STRIP1: variants seen among roughly 807,000 people sequenced by gnomAD.
STRIP1 encodes the protein striatin interacting protein 1.
Under a neutral mutation model 106.2 loss-of-function variants are expected in STRIP1, and 63 were observed. That is an observed-to-expected ratio of 0.59 (90% confidence interval 0.48 to 0.73). STRIP1 has a LOEUF of 0.73. Among genes scored for constraint, STRIP1 ranks in the 30% least tolerant of loss-of-function variants. The pLI is 0.00. For synonymous variants in STRIP1, 390 were observed against 413.0 expected (o/e 0.94, Z 0.67); for missense variants, 857 against 1,074.8 (o/e 0.80, Z 2.83).
At chr1:110,039,566 G>C (rs757268597) in intron 5 of STRIP1, 51 bp downstream of exon 5, 1 of 1,560,452 alleles carries the variant, frequency 6.4e-7, no homozygotes, top group African/African-American at 1.3e-5. Flanking sequence ...GGATGGGAAG[G>C]GGGACAGAGC....
chr1:110,051,037 A>T lies in STRIP1; in HGVS notation c.2038A>T (p.Lys680Ter). The T allele has an allele frequency of 6.2e-7, 1 of 1,612,248 alleles. No homozygotes were observed. Among genetic ancestry groups the T allele is most frequent in the Non-Finnish European group, 8.5e-7 (1 of 1,178,260 alleles). ...GCTTCGGATCTTGAACAAGCTGACA[A>T]AGTGGAAGCATTCAAGGACAATGGT... Reference protein sequence around the residue: ...NLLRILNKLTKWKHSRTMMLV... With the variant: ...NLLRILNKLT Residue 680 changes from lysine to a stop codon, truncating the protein, a stop_gained, in exon 19 of 21, where the codon AAG (lysine) becomes TAG (stop). Transcript: ENST00000369795. LOFTEE classifies it high-confidence loss of function.
intron 12 of STRIP1, among the ~76,000 whole-genome samples, chr1:110,046,095 T>G (rs1233104425): frequency 6.6e-6 from 1 of 152,258 alleles, no homozygotes; most frequent in Admixed American, 6.5e-5. Context: ...CTTTCAGTTT[T>G]TCTCCTGTTG....
chr1:110,049,975 C>G, intron 17 of STRIP1: 1 of 339,378 alleles, frequency 2.9e-6, no homozygotes, highest in Non-Finnish European at 5.5e-6. Flanking sequence ...ATTACTTGCT[C>G]GTCAGTGTGA....
chr1:110,034,802 G>T lies in STRIP1; in HGVS notation c.165G>T (p.Gln55His). 7.1e-7 allele frequency: 1 copy of T among 1,416,638 alleles called. No individual in the cohort carries two copies. The highest frequency in any genetic ancestry group is 9.2e-7 in the Non-Finnish European group (1 of 1,090,696). 87.8% of individuals were successfully genotyped at this position (1,416,638 alleles called of 1,614,324 possible). A position where few individuals can be genotyped will look rare whatever the true frequency, so the allele number is the denominator to read the frequency against. The change falls in exon 1 of 21, where the codon CAG (glutamine) becomes CAT (histidine). Residue 55 changes from glutamine to histidine, a missense_variant. This residue lies in a region of STRIP1 where 107 missense variants were observed against 85.1 expected (regional missense o/e 1.26). Transcript: ENST00000369795. ...AAGCCCGCGAGTTCAACCGCAACCA[G>T]CGCAAAGACTCAGAGGTCAGGAGCT... ...GGKAREFNRN[Q>H]RKDSEGYSES...
At position 110,047,869 on chromosome 1, in the gene STRIP1, C is replaced by T. The variant is rs763865677; in HGVS notation, c.1661C>T (p.Pro554Leu). The T allele has an allele frequency of 1.3e-5, 21 of 1,555,736 alleles. 1 individual carries two copies. The highest frequency in any genetic ancestry group is 4.1e-5 in the African/African-American group (3 of 73,400). The change falls in exon 15 of 21, where the codon CCC becomes CTC. Residue 554 changes from proline to leucine, a missense_variant and splice_region_variant. Pro to Leu is a moderately conservative substitution (Grantham distance 98). This residue lies in a region of STRIP1 where 750 missense variants were observed against 989.8 expected (regional missense o/e 0.76). Transcript: ENST00000369795. ...GCGGACGTCTTGCCTGAGGAGATGC[C>T]GTGAGTATCATTCTGTGAATGAAGC... ...ILADVLPEEM[P>L]TTVLQSMKLG...
intron 20 of STRIP1, 107 bp from the exon 21 acceptor site, chr1:110,053,558 G>A (rs537205930): frequency 6.8e-6 from 10 of 1,463,380 alleles, no homozygotes; most frequent in African/African-American, 5.6e-5. Flanking sequence ...GGATGAGCTC[G>A]GAGGTATCCT....
chr1:110,052,727 C>T (rs1462878103), intron 20 of STRIP1, among the ~76,000 whole-genome samples: 4 of 152,322 alleles, frequency 2.6e-5, no homozygotes, highest in Admixed American at 2.6e-4. Context: ...ACCTCGGCCT[C>T]CCAAAGTGCT....
At chr1:110,049,705 C>T (rs1653202860) in intron 17 of STRIP1, 145 bp downstream of exon 17, 2 of 620,042 alleles carry the variant, frequency 3.2e-6, no homozygotes, top group South Asian at 2.0e-5. Context: ...TGAGACATGG[C>T]CTCTGCCTGT....
At chr1:110,031,998 T>G (rs1652204204), upstream of STRIP1, among the ~76,000 whole-genome samples, 1 of 151,788 alleles carries the variant, frequency 6.6e-6, no homozygotes, top group Non-Finnish European at 1.5e-5. Flanking sequence ...CTTCCCAAAG[T>G]GCTGAGATTA....
At chr1:110,042,630 G>A (rs1163194376) in intron 8 of STRIP1, among the ~76,000 whole-genome samples, 1 of 152,244 alleles carries the variant, frequency 6.6e-6, no homozygotes, top group Non-Finnish European at 1.5e-5. Flanking sequence ...TCTAAAGCTG[G>A]ATGTTGCTGG....
chr1:110,043,082 A>G lies in STRIP1; in HGVS notation c.886-6A>G, dbSNP rs1292164430. 1 of 1,607,718 alleles carries G rather than the reference A, an allele frequency of 6.2e-7. No individual in the cohort carries two copies. The highest frequency in any genetic ancestry group is 1.7e-5 in the Admixed American group (1 of 59,050). ...CCCTGGCTCTGCTTCCCTGTCTGTG[A>G]TGCAGTGCACGCTAGGCGGCTTTGA... is the stretch of plus-strand genomic sequence containing the variant. On this transcript the variant is annotated splice_polypyrimidine_tract_variant and splice_region_variant and intron_variant, in intron 8 of 20. Coordinates refer to ENST00000369795, the MANE Select transcript of STRIP1 (RefSeq NM_033088.4).
rs780617828 is a variant in STRIP1, at chr1:110,045,078, G to C, written c.1416G>C (p.Gln472His). ...PIHESIKTLK[Q>H]HKYTSIAEVQ... is the part of the protein sequence containing the mutation. ...ACGAAAGCATCAAGACTCTGAAACA[G>C]GTGAGTGGCTTTGGGTGAGCTTTTG... The change falls in exon 12 of 21, where the codon CAG becomes CAC. Residue 472 changes from glutamine to histidine, a missense_variant and splice_region_variant. Coordinates refer to ENST00000369795, the MANE Select transcript of STRIP1 (RefSeq NM_033088.4). 1 of 1,614,014 alleles carries C rather than the reference G, an allele frequency of 6.2e-7. No homozygotes were observed. The highest frequency in any genetic ancestry group is 1.1e-5 in the South Asian group (1 of 91,074).
chr1:110,051,409 A>C (rs1193851232), intron 19 of STRIP1, among the ~76,000 whole-genome samples: 1 of 152,228 alleles, frequency 6.6e-6, no homozygotes, highest in African/African-American at 2.4e-5. Context: ...CTGTGTGTAC[A>C]TGTACACCGG....
Position 110,039,389 on chromosome 1 carries a change from T to C in STRIP1, c.461-6T>C. 1.9e-6 allele frequency: 3 copies of C among 1,614,162 alleles called. No individual in the cohort carries two copies. Among genetic ancestry groups the C allele is most frequent in the South Asian group, 1.1e-5 (1 of 91,064 alleles). On this transcript the variant is annotated splice_polypyrimidine_tract_variant and splice_region_variant and intron_variant, in intron 4 of 20. Coordinates refer to ENST00000369795, the MANE Select transcript of STRIP1 (RefSeq NM_033088.4). The stretch of plus-strand genomic sequence containing the variant: ...GGGGCTCAGTGAGTTGAACCCTGCA[T>C]TGCAGGCACGTTTGGGGAGTGCAGC...
Position 110,053,545 on chromosome 1 carries a change from T to C in STRIP1, c.2267-120T>C, listed in dbSNP as rs932031791. The stretch of plus-strand genomic sequence containing the variant: ...TAGGAAGGAATTCCTGGCATCTTTC[T>C]GAGGATGAGCTCGGAGGTATCCTGC... On this transcript the variant is annotated intron_variant, in intron 20 of 20. Transcript: ENST00000369795. The C allele has an allele frequency of 3.6e-6, 5 of 1,394,628 alleles. No homozygotes were observed. In the African/African-American group the frequency reaches 7.2e-5, roughly 20 times the overall value. The allele number at this position is 1,394,628 out of a possible 1,614,324, so 86.4% of individuals were successfully genotyped here.
At chr1:110,048,964 C>T (rs1653160162) in intron 15 of STRIP1, 148 bp from the exon 16 acceptor site, 3 of 814,374 alleles carry the variant, frequency 3.7e-6, no homozygotes, top group African/African-American at 1.7e-5. Flanking sequence ...GATGGGGGAG[C>T]CCTCGGCTGA....
intron 1 of STRIP1, among the ~76,000 whole-genome samples, chr1:110,035,230 C>T (rs930916505): frequency 6.6e-6 from 1 of 152,156 alleles, no homozygotes; most frequent in Admixed American, 6.5e-5. Context: ...CACGCGGGCT[C>T]CAGCTCCTGG....
chr1:110,051,091 G>A (rs1653279296), intron 19 of STRIP1, 31 bp downstream of exon 19: 1 of 1,434,136 alleles, frequency 7.0e-7, no homozygotes, highest in African/African-American at 1.4e-5. Flanking sequence ...AGCAGGCTTG[G>A]AACTTGGAGC....
chr1:110,034,678 A>G lies in STRIP1; in HGVS notation c.41A>G (p.Asn14Ser), dbSNP rs2101760805. The part of the protein sequence containing the change: ...AVGGPGPLIV[N>S]NKQPQPPPPP... ...GGCGGTCCGGGCCCACTGATCGTGA[A>G]CAACAAACAGCCCCAGCCCCCGCCA... Residue 14 changes from asparagine (N) to serine (S), a missense_variant, in exon 1 of 21, where the codon AAC (asparagine) becomes AGC (serine). Around this residue, in one of 2 missense-constraint regions of STRIP1, gnomAD observed 107 missense variants for 85.1 expected, o/e 1.26. Transcript: ENST00000369795. 2 of 1,525,342 alleles carry G rather than the reference A, an allele frequency of 1.3e-6. No individual in the cohort carries two copies. Among genetic ancestry groups the G allele is most frequent in the South Asian group, 1.2e-5 (1 of 82,404 alleles). 94.5% of individuals were successfully genotyped at this position (1,525,342 alleles called of 1,614,324 possible).
Sources: allele counts gnomAD v4.1 joint callset (sites outside exome capture counted in the v4.1 genomes callset), GRCh38; gene constraint gnomAD v4.1.1; regional missense constraint gnomAD v4.1.1; transcripts MANE v1.5; gene names NCBI Gene and HGNC (gene_info 2026-07-23, HGNC 2026-07-21).